F13A1: variants seen among roughly 807,000 people sequenced by gnomAD.
The protein encoded by F13A1 is coagulation factor XIII A chain.
Under a neutral mutation model 80.1 loss-of-function variants are expected in F13A1, and 47 were observed. The observed-to-expected ratio is 0.59, with a 90% CI of 0.46 to 0.75. The LOEUF (loss-of-function observed/expected upper bound fraction) is 0.75, where lower values mean the gene tolerates loss of function less well. F13A1 is among the 30% of genes least tolerant of loss of function. The probability of loss-of-function intolerance (pLI) is 0.00; values close to 1 mark genes in which losing one functional copy is unlikely to be tolerated. For missense variants in F13A1, 817 were observed against 930.4 expected (o/e 0.88, Z 1.59); for synonymous variants, 349 against 344.9 (o/e 1.01, Z -0.13).
At chr6:6,166,446 T>C (rs1288787241) in intron 13 of F13A1, among the ~76,000 whole-genome samples, 1 of 152,230 alleles carries the variant, frequency 6.6e-6, no homozygotes, top group Non-Finnish European at 1.5e-5. Flanking sequence ...TTTATAAAGC[T>C]TTGATTTATC....
chr6:6,180,053 T>C (rs1208483537), intron 11 of F13A1, among the ~76,000 whole-genome samples: 3 of 152,206 alleles, frequency 2.0e-5, no homozygotes, highest in African/African-American at 7.2e-5. Context: ...ACATCTGTCA[T>C]GTGGACAGCT....
chr6:6,147,138 C>G (rs929304504), intron 14 of F13A1, among the ~76,000 whole-genome samples: 1 of 152,152 alleles, frequency 6.6e-6, no homozygotes, highest in East Asian at 1.9e-4. Flanking sequence ...AACAATGACG[C>G]AATGGTCTTT....
intron 2 of F13A1, among the ~76,000 whole-genome samples, chr6:6,317,381 C>T (rs1206280967): frequency 6.6e-6 from 1 of 152,128 alleles, no homozygotes; most frequent in East Asian, 1.9e-4. Context: ...GATTTCAGAA[C>T]TACAAGTTCG....
intron 10 of F13A1, among the ~76,000 whole-genome samples, chr6:6,188,202 G>GT (rs1447276332): frequency 1.3e-5 from 2 of 152,066 alleles, no homozygotes; most frequent in African/African-American, 2.4e-5. Context: ...TTTTTGAAGG[G>GT]TTTTTTGTGT....
intron 3 of F13A1, among the ~76,000 whole-genome samples, chr6:6,298,890 T>C (rs1758375262): frequency 6.7e-6 from 1 of 148,658 alleles, no homozygotes; most frequent in African/African-American, 2.6e-5. Context: ...CTGGTACTGG[T>C]TGTTCCTTTC....
intron 6 of F13A1, among the ~76,000 whole-genome samples, chr6:6,230,064 T>C (rs565166005): frequency 1.3e-4 from 20 of 152,184 alleles, no homozygotes; most frequent in Middle Eastern, 3.4e-3. Flanking sequence ...CTGAACTTTG[T>C]AGCAATTTGA....
At chr6:6,260,260 T>C (rs1314731757) in intron 4 of F13A1, among the ~76,000 whole-genome samples, 1 of 152,202 alleles carries the variant, frequency 6.6e-6, no homozygotes, top group African/African-American at 2.4e-5. Context: ...AAATTGCCTA[T>C]GAATGCAAAG....
chr6:6,145,728 C>T lies in F13A1; in HGVS notation c.2090G>A (p.Arg697Gln), dbSNP rs768408371. Residue 697 changes from arginine to glutamine, a missense_variant, in exon 15 of 15, where the codon CGG becomes CAG. By Grantham distance (43) the Arg-to-Gln change is conservative. Transcript: ENST00000264870. ...NSTVQWEEVC[R>Q]PWVSGHRKLI... ...CTTCCGATGCCCAGAGACCCAGGGC[C>T]GGCACACTTCTTCCCACTGCACGGT... 19 of 1,613,978 alleles carry T rather than the reference C, an allele frequency of 1.2e-5. No individual in the cohort carries two copies. Among genetic ancestry groups the T allele is most frequent in the South Asian group, 8.8e-5 (8 of 91,082 alleles).
intron 3 of F13A1, among the ~76,000 whole-genome samples, chr6:6,274,075 GAA>G (rs1757955832): frequency 6.6e-6 from 1 of 152,148 alleles, no homozygotes; most frequent in African/African-American, 2.4e-5. Context: ...GTTTCCTAAA[GAA>G]AAGAGACCTT....
intron 2 of F13A1, among the ~76,000 whole-genome samples, chr6:6,317,662 T>C (rs546806834): frequency 1.3e-5 from 2 of 152,188 alleles, no homozygotes; most frequent in African/African-American, 4.8e-5. Context: ...ATGAGGGGAA[T>C]CGACCACACA....
At position 6,250,919 on chromosome 6, in the gene F13A1, C is replaced by G; in HGVS notation, c.582G>C (p.Val194=). Residue 194 remains valine, a synonymous_variant, in exon 5 of 15, where the codon GTG becomes GTC. Transcript: ENST00000264870. The surrounding 1 kb of genome is among the most constrained non-coding windows in gnomAD (Gnocchi z 4.2). ...LFNPWCEDDA[V]YLDNEKEREE... Reference sequence around the variant, plus strand: ...CTCTTTCTTTCTCATTGTCCAGATACACAGCATCATCTGCATCAGGGTTTA... The same window carrying G: ...CTCTTTCTTTCTCATTGTCCAGATAGACAGCATCATCTGCATCAGGGTTTA... The G allele has an allele frequency of 1.2e-6, 2 of 1,607,678 alleles. No homozygotes were observed. The highest frequency in any genetic ancestry group is 1.7e-6 in the Non-Finnish European group (2 of 1,174,660).
chr6:6,260,944 A>G (rs1193813175), intron 4 of F13A1, among the ~76,000 whole-genome samples: 2 of 151,882 alleles, frequency 1.3e-5, no homozygotes, highest in African/African-American at 4.8e-5. Context: ...GTAAATTATA[A>G]TCTCCTGAGG....
At position 6,251,802 on chromosome 6, in the gene F13A1, G is replaced by C. The variant is rs181448164; in HGVS notation, c.572-873C>G. Among the ~76,000 whole-genome samples, 8 of 152,306 alleles carry C rather than the reference G, an allele frequency of 5.3e-5. No homozygotes were observed. In the East Asian group the frequency reaches 1.5e-3, roughly 29 times the overall value. ...ATCTTGCAATCCCTAATGAAGTAAC[G>C]AATTGAGGCAGAAATAATTCGTTAA... On this transcript the variant is annotated intron_variant, in intron 4 of 14. Coordinates refer to ENST00000264870, the MANE Select transcript of F13A1 (RefSeq NM_000129.4).
At chr6:6,262,491 A>C (rs1030298968) in intron 4 of F13A1, among the ~76,000 whole-genome samples, 1 of 152,200 alleles carries the variant, frequency 6.6e-6, no homozygotes, top group Non-Finnish European at 1.5e-5. Context: ...TCCCTAAAGA[A>C]TTTGCAGAGA....
intron 3 of F13A1, among the ~76,000 whole-genome samples, chr6:6,280,482 A>G (rs1758045314): frequency 6.6e-6 from 1 of 152,140 alleles, no homozygotes; most frequent in South Asian, 2.1e-4. Context: ...GTGGATGTTT[A>G]TTTGCTTACT....
At chr6:6,210,340 T>TATATATATATATATATATAC (rs1761583241) in intron 8 of F13A1, among the ~76,000 whole-genome samples, 2 of 132,904 alleles carry the variant, frequency 1.5e-5, no homozygotes, top group African/African-American at 5.8e-5. Context: ...TATATATATA[T>TATATATATATATATATATAC]ATATATATTT....
intron 12 of F13A1, among the ~76,000 whole-genome samples, chr6:6,172,413 G>A (rs1760792010): frequency 6.6e-6 from 1 of 151,380 alleles, no homozygotes; most frequent in African/African-American, 2.4e-5. Flanking sequence ...AATAGGAAAA[G>A]TGCCAAAGCT....
At chr6:6,205,868 C>G (rs1448411417) in intron 8 of F13A1, among the ~76,000 whole-genome samples, 1 of 152,132 alleles carries the variant, frequency 6.6e-6, no homozygotes, top group Non-Finnish European at 1.5e-5. Context: ...CCCCATCACA[C>G]AGACCACGTT....
rs371921524 is a variant in F13A1, at chr6:6,247,781, G to A, written c.798+531C>T. ...TTGTAAAAGTGCATGAGTAATGGCT[G>A]CCCTACTTACCACACAGGATCCTGC... On this transcript the variant is annotated intron_variant, in intron 6 of 14. Transcript: ENST00000264870. Among the ~76,000 whole-genome samples, 44 of 152,302 alleles carry A rather than the reference G, an allele frequency of 2.9e-4. 1 individual carries two copies. Among genetic ancestry groups the A allele is most frequent in the African/African-American group, 1.0e-3 (42 of 41,568 alleles).
Sources: gnomAD v4.1 joint callset for allele counts (sites outside exome capture counted in the v4.1 genomes callset) on GRCh38, gnomAD v4.1.1 for gene constraint, Gnocchi (gnomAD v3.1) non-coding constraint, MANE v1.5 for transcripts, NCBI Gene and HGNC (gene_info 2026-07-23, HGNC 2026-07-21) for gene names.